The following RBFOX1 variants were observed in gnomAD, a reference collection of about 807,000 sequenced individuals.
RBFOX1 encodes the protein RNA binding fox-1 homolog 1.
Under a neutral mutation model 57.7 loss-of-function variants are expected in RBFOX1, and 8 were observed. The observed-to-expected ratio is 0.14, with a 90% CI of 0.08 to 0.25. The LOEUF is 0.25. Among genes scored for constraint, RBFOX1 ranks in the 10% least tolerant of loss-of-function variants. The pLI is 1.00. For missense variants in RBFOX1, 611 were observed against 548.5 expected (o/e 1.11, Z -1.14); for synonymous variants, 326 against 222.4 (o/e 1.47, Z -4.15).
chr16:5,904,615 C>G (rs2058399337), intron 4 of RBFOX1, among the ~76,000 whole-genome samples: 1 of 152,044 alleles, frequency 6.6e-6, no homozygotes, highest in African/African-American at 2.4e-5. Flanking sequence ...CTTGAAAAGA[C>G]TTCTATGTTG....
At chr16:6,290,604 G>T (rs2077373689) in intron 1 of RBFOX1, among the ~76,000 whole-genome samples, 1 of 151,300 alleles carries the variant, frequency 6.6e-6, no homozygotes, top group Non-Finnish European at 1.5e-5. Context: ...CAACATAGCG[G>T]TCATCCTATT....
chr16:5,339,470 G>GTGTTTTTTTTTTTTTT (rs2064982294), intron 1 of RBFOX1, among the ~76,000 whole-genome samples: 1 of 40,888 alleles, frequency 2.4e-5, no homozygotes, highest in Non-Finnish European at 4.5e-5. Context: ...CTTTTTCCGT[G>GTGTTTTTTTTTTTTTT]TTTTTTTTTT....
rs566399344 is a variant in RBFOX1, at chr16:6,995,626, G to T, written c.-15-56431G>T. Among the ~76,000 whole-genome samples the T allele has an allele frequency of 1.4e-4, 22 of 152,184 alleles. No homozygotes were observed. In the East Asian group the frequency reaches 4.3e-3, roughly 30 times the overall value. On this transcript the variant is annotated intron_variant, in intron 3 of 15. Coordinates refer to ENST00000550418, the MANE Select transcript of RBFOX1 (RefSeq NM_018723.4). The stretch of plus-strand genomic sequence containing the variant: ...CATACAAAAATTAGCTGGACGTGGT[G>T]GTGCACGCTTGTAATCCCAGCTACT...
intron 3 of RBFOX1, among the ~76,000 whole-genome samples, chr16:5,680,080 A>G (rs562232610): frequency 1.5e-4 from 23 of 152,368 alleles, no homozygotes; most frequent in Non-Finnish European, 2.2e-4. Flanking sequence ...TAATGGACAG[A>G]AGTTTATCAA....
At chr16:5,502,555 C>A (rs2151701501) in intron 2 of RBFOX1, among the ~76,000 whole-genome samples, 1 of 152,270 alleles carries the variant, frequency 6.6e-6, no homozygotes, top group Admixed American at 6.5e-5. Flanking sequence ...TAGGTGGCAG[C>A]AGAAGCCTGA....
At chr16:6,484,344 C>T (rs1041117014) in intron 2 of RBFOX1, among the ~76,000 whole-genome samples, 2 of 152,138 alleles carry the variant, frequency 1.3e-5, no homozygotes, top group Admixed American at 6.5e-5. Flanking sequence ...ACATGTCCAC[C>T]ATGCTCGTTG....
At chr16:6,431,917 C>A (rs912152192) in intron 2 of RBFOX1, among the ~76,000 whole-genome samples, 1 of 146,064 alleles carries the variant, frequency 6.8e-6, no homozygotes, top group African/African-American at 2.6e-5. Flanking sequence ...TTCTTTCTTT[C>A]TTTCTTTCTT....
chr16:7,242,367 T>G (rs1232619234), intron 4 of RBFOX1, among the ~76,000 whole-genome samples: 1 of 152,224 alleles, frequency 6.6e-6, no homozygotes, highest in African/African-American at 2.4e-5. Context: ...AGACAGGTTG[T>G]GCCACATGAC....
At position 6,780,431 on chromosome 16, in the gene RBFOX1, T is replaced by G. The variant is rs1238714966; in HGVS notation, c.-16+125781T>G. Among the ~76,000 whole-genome samples the G allele has an allele frequency of 2.3e-3, 249 of 110,236 alleles. 5 individuals are homozygous for G. The highest frequency in any genetic ancestry group is 5.3e-3 in the African/African-American group (142 of 26,622). The allele number at this position is 110,236 out of a possible 152,430, so 72.3% of individuals were successfully genotyped here. ...ATATTTATATATATTTATATATATT[T>G]ATAGATATATTTATATATACATTTT... On this transcript the variant is annotated intron_variant, in intron 3 of 15. Transcript: ENST00000550418.
At chr16:6,905,394 A>T (rs997036704) in intron 3 of RBFOX1, among the ~76,000 whole-genome samples, 1 of 152,038 alleles carries the variant, frequency 6.6e-6, no homozygotes, top group East Asian at 1.9e-4. Flanking sequence ...CTCTACTAAA[A>T]ATACAAAAAT....
chr16:5,973,034 G>C (rs2059994163), intron 4 of RBFOX1, among the ~76,000 whole-genome samples: 1 of 152,172 alleles, frequency 6.6e-6, no homozygotes, highest in Non-Finnish European at 1.5e-5. Flanking sequence ...AAACATTTCA[G>C]CTGCCCTGAG....
At chr16:7,654,567 A>G (rs1175782774) in intron 12 of RBFOX1, among the ~76,000 whole-genome samples, 1 of 152,080 alleles carries the variant, frequency 6.6e-6, no homozygotes, top group East Asian at 1.9e-4. Flanking sequence ...CCCATTGCCA[A>G]TTTGGTCCTT....
At chr16:7,012,414 C>T (rs978272294) in intron 3 of RBFOX1, among the ~76,000 whole-genome samples, 3 of 152,122 alleles carry the variant, frequency 2.0e-5, no homozygotes, top group Non-Finnish European at 2.9e-5. Context: ...TCTGAGGCCA[C>T]ATGGGTGTGT....
At chr16:6,040,211 T>C (rs1218885716) in intron 1 of RBFOX1, among the ~76,000 whole-genome samples, 1 of 152,244 alleles carries the variant, frequency 6.6e-6, no homozygotes, top group Non-Finnish European at 1.5e-5. Flanking sequence ...ACACATAAAA[T>C]AAATGTTACC....
At chr16:5,512,498 G>T (rs999109944) in intron 2 of RBFOX1, among the ~76,000 whole-genome samples, 7 of 151,696 alleles carry the variant, frequency 4.6e-5, no homozygotes, top group African/African-American at 1.7e-4. Flanking sequence ...ATAGGGTGTT[G>T]GTTTAAACAC....
chr16:5,420,103 G>A (rs887077310), intron 1 of RBFOX1, among the ~76,000 whole-genome samples: 1 of 152,178 alleles, frequency 6.6e-6, no homozygotes, highest in Admixed American at 6.5e-5. Context: ...CAAGCTGCCA[G>A]GTCTGCAGTA....
intron 1 of RBFOX1, among the ~76,000 whole-genome samples, chr16:5,387,250 T>G (rs1030191362): frequency 6.6e-6 from 1 of 152,154 alleles, no homozygotes; most frequent in Non-Finnish European, 1.5e-5. Flanking sequence ...TAAGGCAGTG[T>G]TCTCATTTTC....
chr16:5,344,260 T>G (rs1321999471), intron 1 of RBFOX1, among the ~76,000 whole-genome samples: 2 of 152,168 alleles, frequency 1.3e-5, no homozygotes, highest in Non-Finnish European at 2.9e-5. Flanking sequence ...GTCCTGCAGC[T>G]CCCTCTCTCC....
intron 1 of RBFOX1, among the ~76,000 whole-genome samples, chr16:6,086,379 A>C (rs748779781): frequency 3.3e-5 from 5 of 152,124 alleles, no homozygotes; most frequent in African/African-American, 1.2e-4. Flanking sequence ...TGCTGCCCAA[A>C]GTTACTCTGT....
Sources: allele counts gnomAD v4.1 joint callset (sites outside exome capture counted in the v4.1 genomes callset), GRCh38; gene constraint gnomAD v4.1.1; transcripts MANE v1.5; gene names NCBI Gene and HGNC (gene_info 2026-07-23, HGNC 2026-07-21).